The following MTNAP1 variants were observed in gnomAD, a reference collection of about 807,000 sequenced individuals.
The protein encoded by MTNAP1 is mitochondrial nucleoid-associated protein 1.
At chr17:73,234,185 T>C in the MTNAP1 span, among the ~76,000 whole-genome samples, 5 of 152,308 alleles carry the variant, frequency 3.3e-5, no homozygotes, top group African/African-American at 4.8e-5. Context: ...AGGATAGATA[T>C]GTTTCCTGCC....
chr17:73,247,328 CAT>C, the MTNAP1 span: 294 of 1,614,164 alleles, frequency 1.8e-4, 3 homozygotes, highest in South Asian at 3.0e-3. Flanking sequence ...CGCTCTAAAA[CAT>C]GTTTGGATTA....
chr17:73,245,287 T>C, the MTNAP1 span: 1 of 1,505,172 alleles, frequency 6.6e-7, no homozygotes, highest in African/African-American at 1.4e-5. Flanking sequence ...TGTATAATAT[T>C]TGGGACAGGG....
At chr17:73,245,136 G>C in the MTNAP1 span, 1 of 1,611,244 alleles carries the variant, frequency 6.2e-7, no homozygotes, top group Non-Finnish European at 8.5e-7. Context: ...GTGGCCTCTC[G>C]GATCCTTACA....
chr17:73,244,192 A>G, the MTNAP1 span, among the ~76,000 whole-genome samples: 1 of 152,216 alleles, frequency 6.6e-6, no homozygotes, highest in Non-Finnish European at 1.5e-5. Flanking sequence ...CTTCTAGTTA[A>G]AAAGATGAGT....
At chr17:73,242,409 T>TG in the MTNAP1 span, 5 of 1,215,868 alleles carry the variant, frequency 4.1e-6, no homozygotes, top group South Asian at 7.1e-5. Flanking sequence ...TTGGAAAAGT[T>TG]TCTCTTCGGG....
chr17:73,238,919 T>TCCTGTG, the MTNAP1 span, among the ~76,000 whole-genome samples: 1 of 105,314 alleles, frequency 9.5e-6, no homozygotes, highest in East Asian at 3.3e-4. Context: ...TGCCATACTT[T>TCCTGTG]TCTGTGTGTG....
At chr17:73,240,324 T>C in the MTNAP1 span, among the ~76,000 whole-genome samples, 1 of 152,198 alleles carries the variant, frequency 6.6e-6, no homozygotes, top group Non-Finnish European at 1.5e-5. Context: ...GGGCCTCTAC[T>C]TCTATTATAA....
chr17:73,242,285 G>T, the MTNAP1 span: 1 of 1,606,374 alleles, frequency 6.2e-7, no homozygotes. Context: ...AAGGAGTTTG[G>T]AACCCCCTGC....
chr17:73,242,221 G>C, the MTNAP1 span: 3 of 1,494,612 alleles, frequency 2.0e-6, no homozygotes, highest in Admixed American at 4.0e-5. Context: ...AACAATGACA[G>C]TGACTTCTGT....
chr17:73,236,813 T>A, the MTNAP1 span: 1 of 1,614,072 alleles, frequency 6.2e-7, no homozygotes, highest in Non-Finnish European at 8.5e-7. Context: ...CAGAGCCCCT[T>A]CACCAATCAT....
the MTNAP1 span, among the ~76,000 whole-genome samples, chr17:73,240,605 G>A: frequency 6.6e-6 from 1 of 152,232 alleles, no homozygotes. Flanking sequence ...AAGAGAATGG[G>A]CTATACCTTT....
At chr17:73,245,018 T>C in the MTNAP1 span, 4 of 679,530 alleles carry the variant, frequency 5.9e-6, no homozygotes, top group East Asian at 5.8e-5. Context: ...GAACAGAGAC[T>C]GAAGAAAGTG....
At chr17:73,233,684 T>C in the MTNAP1 span, among the ~76,000 whole-genome samples, 2 of 152,136 alleles carry the variant, frequency 1.3e-5, no homozygotes, top group African/African-American at 2.4e-5. Flanking sequence ...GCCAACATGG[T>C]GAAACCCCGT....
At chr17:73,232,519 A>G in the MTNAP1 span, 1 of 478,382 alleles carries the variant, frequency 2.1e-6, no homozygotes, top group Non-Finnish European at 3.7e-6. Flanking sequence ...CCAGGTTTCA[A>G]ATAAATTCAA....
At chr17:73,245,385 C>A in the MTNAP1 span, 1 of 1,249,256 alleles carries the variant, frequency 8.0e-7, no homozygotes, top group Non-Finnish European at 1.0e-6. Context: ...ATAGACAGAT[C>A]TGGTTCTGTC....
At chr17:73,240,241 T>C in the MTNAP1 span, among the ~76,000 whole-genome samples, 2 of 152,230 alleles carry the variant, frequency 1.3e-5, no homozygotes, top group Non-Finnish European at 2.9e-5. Flanking sequence ...TTGCTCATAG[T>C]CTGTAACTAA....
At chr17:73,242,004 A>G in the MTNAP1 span, among the ~76,000 whole-genome samples, 1 of 152,170 alleles carries the variant, frequency 6.6e-6, no homozygotes, top group East Asian at 1.9e-4. Flanking sequence ...TACTCAGCAG[A>G]CCAAAAAACA....
At chr17:73,240,555 C>G in the MTNAP1 span, among the ~76,000 whole-genome samples, 1 of 152,206 alleles carries the variant, frequency 6.6e-6, no homozygotes, top group Admixed American at 6.5e-5. Flanking sequence ...ATGACTGTCT[C>G]CAATGACTGC....
chr17:73,248,520 T>C, the MTNAP1 span: 1 of 1,551,690 alleles, frequency 6.4e-7, no homozygotes, highest in South Asian at 1.2e-5. Flanking sequence ...GGCAGCAGCT[T>C]GAATTCCCGA....
Sources: allele counts gnomAD v4.1 joint callset (sites outside exome capture counted in the v4.1 genomes callset), GRCh38; gene constraint gnomAD v4.1.1; transcripts MANE v1.5; gene names NCBI Gene and HGNC (gene_info 2026-07-23, HGNC 2026-07-21).